The following APTX variants were observed in gnomAD, a reference collection of about 807,000 sequenced individuals.
APTX encodes aprataxin.
APTX carries 33 observed loss-of-function variants against 42.3 expected under a neutral mutation model. The ratio of observed to expected loss-of-function variants is 0.78; its 90% CI spans 0.59 to 1.04. The LOEUF (loss-of-function observed/expected upper bound fraction) is 1.04. APTX is among the 50% of genes least tolerant of loss of function. The probability of loss-of-function intolerance (pLI) is 0.00; values close to 1 mark genes in which losing one functional copy is unlikely to be tolerated. For missense variants in APTX, 421 were observed against 415.1 expected (o/e 1.01, Z -0.12); for synonymous variants, 130 against 146.7 (o/e 0.89, Z 0.82).
At chr9:33,016,613 T>C (rs532593348) in intron 1 of APTX, among the ~76,000 whole-genome samples, 2 of 152,246 alleles carry the variant, frequency 1.3e-5, no homozygotes, top group South Asian at 4.1e-4. Flanking sequence ...TTTGTCTCTG[T>C]ATTGAGGAAA....
chr9:33,001,710 G>T (rs1836598812), upstream of APTX: 6 of 1,474,132 alleles, frequency 4.1e-6, no homozygotes, highest in Admixed American at 1.9e-5. Flanking sequence ...AAAGAATCTT[G>T]CCCACTTCCC....
chr9:32,993,329 A>G (rs1378280456), intron 1 of APTX, among the ~76,000 whole-genome samples: 1 of 152,178 alleles, frequency 6.6e-6, no homozygotes, highest in Non-Finnish European at 1.5e-5. Context: ...TCCAATTCCA[A>G]CTTTTAGAAA....
intron 1 of APTX, among the ~76,000 whole-genome samples, chr9:32,996,073 ATTGT>A (rs1033492985): frequency 2.7e-4 from 41 of 152,252 alleles, no homozygotes; most frequent in African/African-American, 9.1e-4. Flanking sequence ...AGGTGTGTAC[ATTGT>A]TTGTTCAGCC....
intron 1 of APTX, among the ~76,000 whole-genome samples, chr9:33,019,188 C>T (rs1047188991): frequency 2.0e-5 from 3 of 151,876 alleles, no homozygotes; most frequent in Non-Finnish European, 2.9e-5. Context: ...ACAACTTTTC[C>T]GCAAATCTAA....
intron 1 of APTX, among the ~76,000 whole-genome samples, chr9:33,019,143 A>C (rs1838155075): frequency 6.6e-6 from 1 of 152,192 alleles, no homozygotes; most frequent in African/African-American, 2.4e-5. Context: ...ATAGGTTAAG[A>C]CTGAGTGCGG....
chr9:33,019,826 A>T (rs1838224530), intron 1 of APTX: 1 of 642,180 alleles, frequency 1.6e-6, no homozygotes, highest in African/African-American at 1.9e-5. Flanking sequence ...GACGGCCAGG[A>T]TCCTGCCGCT....
At chr9:33,012,260 TAGAG>T (rs1010981825) in intron 1 of APTX, among the ~76,000 whole-genome samples, 1 of 152,092 alleles carries the variant, frequency 6.6e-6, no homozygotes, top group Non-Finnish European at 1.5e-5. Flanking sequence ...TTGGATATTT[TAGAG>T]AGAGAGGATA....
At chr9:32,993,669 T>G (rs1411001159) in intron 1 of APTX, among the ~76,000 whole-genome samples, 1 of 152,016 alleles carries the variant, frequency 6.6e-6, no homozygotes, top group Non-Finnish European at 1.5e-5. Context: ...TCCCATCCAT[T>G]CTCACATCTA....
At position 32,972,928 on chromosome 9, in the gene APTX, A is replaced by C. The variant is rs1252271546; in HGVS notation, c.*570T>G. The C allele has an allele frequency of 4.4e-6, 2 of 453,998 alleles. No homozygotes were observed. The highest frequency in any genetic ancestry group is 4.0e-5 in the African/African-American group (2 of 50,006). 28.1% of individuals were successfully genotyped at this position (453,998 alleles called of 1,614,324 possible). A position where few individuals can be genotyped will look rare whatever the true frequency, so the allele number is the denominator to read the frequency against. On this transcript the variant is annotated 3_prime_UTR_variant, in exon 8 of 8. Transcript: ENST00000379817. ...CCTCTTTTCTCACTGTGAAGAACTG[A>C]TGAGACAGAATTCCTGAGAAGGGAA...
rs1177945540 is a variant in APTX at position 32,973,012 on chromosome 9, T to G, written c.*486A>C. 4.4e-6 allele frequency: 2 copies of G among 453,830 alleles called. No individual in the cohort carries two copies. Among genetic ancestry groups the G allele is most frequent in the Non-Finnish European group, 8.8e-6 (2 of 226,770 alleles). 28.1% of individuals were successfully genotyped at this position (453,830 alleles called of 1,614,324 possible). The stretch of plus-strand genomic sequence containing the variant: ...GGACTGGACAAACTAAGCCTCCCCA[T>G]GAAGGAAGGGAAAAGAATATTACAA... On this transcript the variant is annotated 3_prime_UTR_variant, in exon 8 of 8. Coordinates refer to ENST00000379817, the MANE Select transcript of APTX (RefSeq NM_001195248.2).
chr9:32,985,843 G>A (rs1831871367), intron 5 of APTX, 128 bp downstream of exon 5: 2 of 911,148 alleles, frequency 2.2e-6, no homozygotes, highest in Non-Finnish European at 3.5e-6. Flanking sequence ...TGTTCTCACA[G>A]AACAGCCCAA....
At chr9:32,981,799 C>T (rs1264740346) in intron 6 of APTX, among the ~76,000 whole-genome samples, 3 of 152,028 alleles carry the variant, frequency 2.0e-5, no homozygotes, top group African/African-American at 4.8e-5. Context: ...ATGAGAAAGA[C>T]AGAACAGCGC....
intron 1 of APTX, among the ~76,000 whole-genome samples, chr9:32,993,271 C>A (rs1808895008): frequency 1.3e-5 from 2 of 152,184 alleles, no homozygotes; most frequent in South Asian, 2.1e-4. Context: ...AGTGACTGCA[C>A]AACAGTTATG....
At chr9:33,001,293 CTAA>C in intron 1 of APTX, 1 of 1,488,072 alleles carries the variant, frequency 6.7e-7, no homozygotes, top group Non-Finnish European at 8.9e-7. Flanking sequence ...GGCCCATTCT[CTAA>C]TATTTTTTCG....
chr9:32,983,092 C>T (rs908261033), intron 6 of APTX, among the ~76,000 whole-genome samples: 1 of 152,020 alleles, frequency 6.6e-6, no homozygotes, highest in Non-Finnish European at 1.5e-5. Flanking sequence ...TGCACCACCA[C>T]CCTTGGCTAA....
rs1456355533 is a variant in APTX, at chr9:32,973,517, C to T, written c.1010G>A (p.Arg337Lys). ...GCAGAATCACTGTGTCCAGTGCTTC[C>T]TGAGATGTTCTTTCAGCTGAGGAAT... ...PSIPQLKEHL[R>K]KHWTQ Residue 337 changes from arginine to lysine, a missense_variant, in exon 8 of 8, where the codon AGG becomes AAG. By Grantham distance (26) the Arg-to-Lys change is conservative. Transcript: ENST00000379817. 1.2e-6 allele frequency: 2 copies of T among 1,613,944 alleles called. No homozygotes were observed. Among genetic ancestry groups the T allele is most frequent in the Non-Finnish European group, 1.7e-6 (2 of 1,180,032 alleles).
chr9:32,987,443 A>C, intron 4 of APTX, 101 bp downstream of exon 4: 1 of 1,425,114 alleles, frequency 7.0e-7, no homozygotes, highest in Non-Finnish European at 9.8e-7. Flanking sequence ...CATGGTTAAT[A>C]ACCCCTCACG....
intron 1 of APTX, among the ~76,000 whole-genome samples, chr9:33,014,003 T>C (rs543031250): frequency 6.6e-6 from 1 of 152,296 alleles, no homozygotes; most frequent in Non-Finnish European, 1.5e-5. Flanking sequence ...CCAACTGCAA[T>C]ATCCCAACAG....
At chr9:32,998,168 G>A (rs1486456152) in intron 1 of APTX, among the ~76,000 whole-genome samples, 1 of 152,212 alleles carries the variant, frequency 6.6e-6, no homozygotes, top group Non-Finnish European at 1.5e-5. Flanking sequence ...CTTGCAGGCA[G>A]AGCTGTCCAG....
Sources: gnomAD v4.1 joint callset for allele counts (sites outside exome capture counted in the v4.1 genomes callset) on GRCh38, gnomAD v4.1.1 for gene constraint, MANE v1.5 for transcripts, NCBI Gene and HGNC (gene_info 2026-07-23, HGNC 2026-07-21) for gene names.